STK32B: variants seen among roughly 807,000 people sequenced by gnomAD.
The protein encoded by STK32B is serine/threonine-protein kinase 32B.
STK32B carries 43 observed loss-of-function variants against 52.6 expected under a neutral mutation model. That is an observed-to-expected ratio of 0.82 (90% CI 0.64 to 1.05). The LOEUF (loss-of-function observed/expected upper bound fraction) is 1.05. Ranked by LOEUF, STK32B falls within the 50% of genes least tolerant of loss-of-function variation. STK32B has a pLI of 0.00. For missense variants in STK32B, 621 were observed against 534.6 expected (o/e 1.16, Z -1.59); for synonymous variants, 238 against 204.3 (o/e 1.17, Z -1.41).
At chr4:5,114,463 CAG>C (rs1271714242) in intron 1 of STK32B, among the ~76,000 whole-genome samples, 3 of 152,014 alleles carry the variant, frequency 2.0e-5, no homozygotes, top group Non-Finnish European at 4.4e-5. Context: ...TCACCAAAGA[CAG>C]ATGATGTCTG....
the STK32B span, among the ~76,000 whole-genome samples, chr4:5,023,377 T>C: frequency 6.6e-6 from 1 of 152,194 alleles, no homozygotes; most frequent in Non-Finnish European, 1.5e-5. Flanking sequence ...CTGCTTATCC[T>C]TCCTTTACAG....
chr4:5,171,997 G>A (rs1719414033), intron 3 of STK32B, among the ~76,000 whole-genome samples: 2 of 151,888 alleles, frequency 1.3e-5, no homozygotes, highest in Admixed American at 1.3e-4. Flanking sequence ...GCAGTGGTTT[G>A]TAGTTCTCCT....
chr4:5,435,205 A>AGTT (rs1233569090), intron 6 of STK32B, among the ~76,000 whole-genome samples: 1 of 152,146 alleles, frequency 6.6e-6, no homozygotes, highest in Non-Finnish European at 1.5e-5. Context: ...AAGAAGCTTT[A>AGTT]GTTGTTGTTG....
chr4:5,233,839 C>A (rs1242353346), intron 3 of STK32B, among the ~76,000 whole-genome samples: 1 of 151,736 alleles, frequency 6.6e-6, no homozygotes, highest in African/African-American at 2.4e-5. Context: ...GAAGTCATAA[C>A]AGATAGTGCA....
At chr4:5,331,123 G>C (rs1732214908) in intron 3 of STK32B, 97 bp from the exon 4 acceptor site, 3 of 1,235,180 alleles carry the variant, frequency 2.4e-6, no homozygotes, top group African/African-American at 3.0e-5. Context: ...GCCTCTCTCT[G>C]AGCCTCAGTT....
intron 11 of STK32B, among the ~76,000 whole-genome samples, chr4:5,495,537 C>T (rs184367888): frequency 9.5e-4 from 144 of 152,268 alleles, no homozygotes; most frequent in African/African-American, 3.3e-3. Context: ...TCCTGTAGCT[C>T]GCAGTAGCTT....
At chr4:5,440,114 A>C (rs1714572805) in intron 6 of STK32B, among the ~76,000 whole-genome samples, 1 of 152,060 alleles carries the variant, frequency 6.6e-6, no homozygotes, top group East Asian at 1.9e-4. Flanking sequence ...TATGAACTTT[A>C]AAGTAGTTTT....
At chr4:5,111,991 CA>C (rs1714431080) in intron 1 of STK32B, among the ~76,000 whole-genome samples, 1 of 152,148 alleles carries the variant, frequency 6.6e-6, no homozygotes. Flanking sequence ...CAGTGCATAA[CA>C]TGTCTTAAAA....
At chr4:5,486,392 C>T (rs1383163234) in intron 11 of STK32B, among the ~76,000 whole-genome samples, 6 of 152,172 alleles carry the variant, frequency 3.9e-5, no homozygotes, top group Admixed American at 6.5e-5. Context: ...CAGCCAGGCG[C>T]GGGATGTAAT....
chr4:5,220,005 G>C (rs1355894337), intron 3 of STK32B, among the ~76,000 whole-genome samples: 1 of 152,162 alleles, frequency 6.6e-6, no homozygotes, highest in Non-Finnish European at 1.5e-5. Context: ...CAAACTTGCT[G>C]TAATTATAAG....
rs182259205 is a variant in STK32B at position 5,269,660 on chromosome 4, A to T, written c.261-61560A>T. Among the ~76,000 whole-genome samples the T allele has an allele frequency of 2.0e-3, 306 of 152,328 alleles. 3 individuals carry two copies. Among genetic ancestry groups the T allele is most frequent in the African/African-American group, 7.1e-3 (295 of 41,570 alleles). ...AAAGGCCTAAATCAAACTTCTAGAG[A>T]TCAAAACTGCAATATTTGTGCTGAA... On this transcript the variant is annotated intron_variant, in intron 3 of 11. Coordinates refer to ENST00000282908, the MANE Select transcript of STK32B (RefSeq NM_018401.3).
intron 11 of STK32B, among the ~76,000 whole-genome samples, chr4:5,490,546 C>G (rs1028938219): frequency 6.6e-6 from 1 of 151,974 alleles, no homozygotes; most frequent in Non-Finnish European, 1.5e-5. Flanking sequence ...TTTATTATAG[C>G]AGAGCCTCGT....
At chr4:5,417,354 T>C (rs190727993) in intron 6 of STK32B, among the ~76,000 whole-genome samples, 4 of 152,344 alleles carry the variant, frequency 2.6e-5, no homozygotes, top group African/African-American at 9.6e-5. Flanking sequence ...GGGATTATTG[T>C]TTTTAGTTTG....
At chr4:5,343,400 G>A (rs183029600) in intron 4 of STK32B, among the ~76,000 whole-genome samples, 163 of 152,120 alleles carry the variant, frequency 1.1e-3, no homozygotes, top group African/African-American at 3.7e-3. Context: ...GAATAGTGCC[G>A]CAGTAAACAT....
intron 1 of STK32B, among the ~76,000 whole-genome samples, chr4:5,062,135 C>G (rs1460157312): frequency 6.6e-6 from 1 of 152,210 alleles, no homozygotes; most frequent in Non-Finnish European, 1.5e-5. Flanking sequence ...TAAGCTCTCC[C>G]TAATCCCCAT....
intron 6 of STK32B, among the ~76,000 whole-genome samples, chr4:5,442,589 A>G (rs1186782895): frequency 2.0e-5 from 3 of 151,418 alleles, no homozygotes; most frequent in East Asian, 2.0e-4. Context: ...TAATTGGAGC[A>G]TTTAGTCCAT....
At chr4:5,034,570 T>C in the STK32B span, among the ~76,000 whole-genome samples, 1 of 152,208 alleles carries the variant, frequency 6.6e-6, no homozygotes, top group Non-Finnish European at 1.5e-5. Flanking sequence ...TCACGATGAA[T>C]CGTACCACAG....
At chr4:5,054,697 G>A (rs1334699497) in intron 1 of STK32B, among the ~76,000 whole-genome samples, 1 of 152,204 alleles carries the variant, frequency 6.6e-6, no homozygotes, top group Non-Finnish European at 1.5e-5. Flanking sequence ...ACATGGTCCA[G>A]TGAACAAGCT....
In STK32B at chr4:5,051,709, C is replaced by T; in HGVS notation, c.-155C>T. The stretch of plus-strand genomic sequence containing the variant: ...GTCCAGGAGAAGGGGGACGCCGTCC[C>T]CGCCCCTGCACGGTGCTCGGCCCCC... On this transcript the variant is annotated 5_prime_UTR_variant, in exon 1 of 12. Coordinates refer to ENST00000282908, the MANE Select transcript of STK32B (RefSeq NM_018401.3). 2.2e-6 allele frequency: 2 copies of T among 911,166 alleles called. No homozygotes were observed. The highest frequency in any genetic ancestry group is 3.2e-6 in the Non-Finnish European group (2 of 627,840). The allele number at this position is 911,166 out of a possible 1,614,324, so 56.4% of individuals were successfully genotyped here.
Sources: gnomAD v4.1 joint callset for allele counts (sites outside exome capture counted in the v4.1 genomes callset) on GRCh38, gnomAD v4.1.1 for gene constraint, MANE v1.5 for transcripts, NCBI Gene and HGNC (gene_info 2026-07-23, HGNC 2026-07-21) for gene names.